ELMOD3: variants seen among roughly 807,000 people sequenced by gnomAD.
The protein encoded by ELMOD3 is ELMO domain-containing protein 3.
A neutral mutation model predicts 47.4 loss-of-function variants in ELMOD3; 36 were observed. That is an observed-to-expected ratio of 0.76 (90% CI 0.58 to 1.00). The LOEUF (loss-of-function observed/expected upper bound fraction) is 1.00, where lower values mean the gene tolerates loss of function less well. Ranked by LOEUF, ELMOD3 falls within the 50% of genes least tolerant of loss-of-function variation. ELMOD3 has a pLI of 0.00. For missense variants in ELMOD3, 404 were observed against 463.8 expected, an observed-to-expected ratio of 0.87 and a Z score of 1.18; for synonymous variants, 149 against 183.5, an observed-to-expected ratio of 0.81 and a Z score of 1.52.
chr2:85,371,666 G>C, intron 10 of ELMOD3, 104 bp downstream of exon 10: 1 of 1,513,380 alleles, frequency 6.6e-7, no homozygotes, highest in Non-Finnish European at 9.0e-7. Context: ...GGAAGATCTT[G>C]GGGGAGTATT....
chr2:85,367,809 T>C (rs1017721350), intron 6 of ELMOD3: 7 of 152,232 alleles, frequency 4.6e-5, no homozygotes, highest in Non-Finnish European at 2.9e-5. Flanking sequence ...ATCTGTAGAT[T>C]GTGAAGTTAT....
rs1000978121 is a variant in ELMOD3 at position 85,390,755 on chromosome 2, T to TGG, written c.944-4_944-3insGG. 1 of 1,550,422 alleles carries TGG rather than the reference T, an allele frequency of 6.4e-7. No individual in the cohort carries two copies. Among genetic ancestry groups the TGG allele is most frequent in the African/African-American group, 1.4e-5 (1 of 72,988 alleles). ...CCTTCTGCTCCCCAATTCTCTCTGTTGCAGAGTTGGAAGTATTGGCCAAGA... is the reference window on the plus strand; with the variant it reads ...CCTTCTGCTCCCCAATTCTCTCTGTTGGGCAGAGTTGGAAGTATTGGCCAAGA... On this transcript the variant is annotated splice_polypyrimidine_tract_variant and splice_region_variant and intron_variant, in intron 13 of 13. Transcript: ENST00000409013.
intron 6 of ELMOD3, among the ~76,000 whole-genome samples, chr2:85,365,271 A>G (rs1226408491): frequency 6.6e-6 from 1 of 151,490 alleles, no homozygotes; most frequent in East Asian, 1.9e-4. Context: ...AATCACTTGA[A>G]CCCGGGAGGC....
chr2:85,360,514 C>T (rs907878443), intron 4 of ELMOD3, among the ~76,000 whole-genome samples: 16 of 151,958 alleles, frequency 1.1e-4, no homozygotes, highest in African/African-American at 1.9e-4. Flanking sequence ...CCACTACATC[C>T]GGCTAATTTT....
intron 10 of ELMOD3, among the ~76,000 whole-genome samples, chr2:85,373,885 C>G (rs1355962593): frequency 6.8e-6 from 1 of 146,966 alleles, no homozygotes; most frequent in South Asian, 2.1e-4. Context: ...ATTGTATTTA[C>G]TCTTTCCATT....
At chr2:85,361,930 C>CAA (rs1167629123) in intron 4 of ELMOD3, among the ~76,000 whole-genome samples, 330 of 118,132 alleles carry the variant, frequency 2.8e-3, no homozygotes, top group African/African-American at 9.5e-3. Context: ...GACTCCGTCT[C>CAA]AAAAAAAAAA....
chr2:85,377,475 G>A lies in ELMOD3; in HGVS notation c.738+1G>A, dbSNP rs188975234. 1.9e-6 allele frequency: 3 copies of A among 1,606,506 alleles called. No individual in the cohort carries two copies. Among genetic ancestry groups the A allele is most frequent in the Non-Finnish European group, 2.6e-6 (3 of 1,176,356 alleles). ...CCGCCTGTCTCGTCACCACATCCAG[G>A]TGAGACTTTGGTGGGAAGCCAGAGG... On this transcript the variant is annotated splice_donor_variant, in intron 11 of 13. Transcript: ENST00000409013. LOFTEE classifies it high-confidence loss of function.
At chr2:85,360,136 C>T (rs1056477674) in intron 4 of ELMOD3, among the ~76,000 whole-genome samples, 1 of 151,916 alleles carries the variant, frequency 6.6e-6, no homozygotes, top group Admixed American at 6.5e-5. Flanking sequence ...CGTGGTGGCG[C>T]ATGCCTGTAA....
At chr2:85,373,332 A>C (rs1168219404) in intron 10 of ELMOD3, among the ~76,000 whole-genome samples, 1 of 152,200 alleles carries the variant, frequency 6.6e-6, no homozygotes, top group African/African-American at 2.4e-5. Context: ...AACATGGTTA[A>C]GTCCCTGTTC....
At chr2:85,382,116 C>CAAA (rs59898267) in intron 11 of ELMOD3, among the ~76,000 whole-genome samples, 4 of 39,896 alleles carry the variant, frequency 1.0e-4, no homozygotes, top group Non-Finnish European at 1.2e-4. Context: ...GACTCCTTCT[C>CAAA]AAAAAAAAAA....
intron 4 of ELMOD3, among the ~76,000 whole-genome samples, chr2:85,361,886 G>A (rs556119399): frequency 4.0e-5 from 6 of 151,854 alleles, no homozygotes; most frequent in South Asian, 2.1e-4. Context: ...AGCCGAGATC[G>A]TGCCACTGTA....
At chr2:85,379,124 C>T (rs1000542568) in intron 11 of ELMOD3, among the ~76,000 whole-genome samples, 3 of 151,974 alleles carry the variant, frequency 2.0e-5, no homozygotes, top group East Asian at 1.9e-4. Flanking sequence ...TAAGAAAGTA[C>T]GGCTTAATTT....
chr2:85,359,451 A>G (rs1030514526), intron 4 of ELMOD3, among the ~76,000 whole-genome samples: 11 of 126,638 alleles, frequency 8.7e-5, no homozygotes, highest in African/African-American at 3.5e-4. Flanking sequence ...TCTGTTGCCC[A>G]GGCTGGAGTG....
chr2:85,371,798 C>T (rs138141505), intron 10 of ELMOD3: 2 of 427,476 alleles, frequency 4.7e-6, no homozygotes, highest in African/African-American at 2.0e-5. Context: ...CTTTGGGAGG[C>T]TGAAGAGGGC....
chr2:85,363,408 G>T (rs1684124598), intron 6 of ELMOD3, among the ~76,000 whole-genome samples: 1 of 152,170 alleles, frequency 6.6e-6, no homozygotes, highest in Non-Finnish European at 1.5e-5. Context: ...TCTAATATTA[G>T]TACCTCCCTT....
intron 11 of ELMOD3, among the ~76,000 whole-genome samples, chr2:85,378,852 G>T (rs1287372609): frequency 6.6e-6 from 1 of 152,178 alleles, no homozygotes; most frequent in Admixed American, 6.5e-5. Context: ...GGCTAGGATG[G>T]TTTATTCCTA....
chr2:85,390,258 C>T lies in ELMOD3; in HGVS notation c.936C>T (p.Val312=). The T allele has an allele frequency of 6.2e-7, 1 of 1,614,168 alleles. No homozygotes were observed. Among genetic ancestry groups the T allele is most frequent in the Non-Finnish European group, 8.5e-7 (1 of 1,180,036 alleles). The change falls in exon 13 of 14, where the codon GTC becomes GTT. Residue 312 remains valine, a synonymous_variant. Coordinates refer to ENST00000409013, the MANE Select transcript of ELMOD3 (RefSeq NM_001135022.2). ...QRKTISDSGF[V]LKELEVLAKK... Reference sequence around the variant, plus strand: ...AGACCATCTCAGACTCGGGCTTTGTCCTCAAAGGTGTGCTCTTTCTTCTGG... The same window carrying T: ...AGACCATCTCAGACTCGGGCTTTGTTCTCAAAGGTGTGCTCTTTCTTCTGG...
intron 11 of ELMOD3, among the ~76,000 whole-genome samples, chr2:85,384,270 A>G (rs926237708): frequency 1.3e-5 from 2 of 152,250 alleles, no homozygotes; most frequent in Non-Finnish European, 2.9e-5. Flanking sequence ...TTGTTTTCAC[A>G]ATAGAAACTT....
chr2:85,382,521 C>CTTTTTTTTTT (rs112459154), intron 11 of ELMOD3, among the ~76,000 whole-genome samples: 9,945 of 142,374 alleles, frequency 0.07, 453 homozygotes, highest in South Asian at 0.13. Flanking sequence ...GTCACAAGGA[C>CTTTTTTTTTT]TTTTTTTTTT....
Sources: gnomAD v4.1 joint callset for allele counts (sites outside exome capture counted in the v4.1 genomes callset) on GRCh38, gnomAD v4.1.1 for gene constraint, MANE v1.5 for transcripts, NCBI Gene and HGNC (gene_info 2026-07-23, HGNC 2026-07-21) for gene names.